Variants in EPRS1 observed in about 807,000 individuals in gnomAD.
The protein encoded by EPRS1 is bifunctional glutamate/proline--tRNA ligase.
A neutral mutation model predicts 188.3 loss-of-function variants in EPRS1; 107 were observed. The ratio of observed to expected loss-of-function variants is 0.57; its 90% CI spans 0.49 to 0.67. The LOEUF (loss-of-function observed/expected upper bound fraction) is 0.67, where lower values mean the gene tolerates loss of function less well. EPRS1 is among the 30% of genes least tolerant of loss of function. The pLI is 0.00. For missense variants in EPRS1, 1,577 were observed against 1,802.2 expected (o/e 0.88, Z 2.26); for synonymous variants, 596 against 593.1 (o/e 1.00, Z -0.07).
At chr1:220,040,317 T>C (rs975436447) in intron 1 of EPRS1, 48 bp from the exon 2 acceptor site, 1 of 1,239,166 alleles carries the variant, frequency 8.1e-7, no homozygotes, top group Non-Finnish European at 1.2e-6. Context: ...CAATGCAGTA[T>C]TTATAACTTG....
Position 219,978,606 on chromosome 1 carries a change from A to G in EPRS1, c.4023T>C (p.Val1341=), listed in dbSNP as rs1428324474. 1 of 1,609,492 alleles carries G rather than the reference A, an allele frequency of 6.2e-7. No individual in the cohort carries two copies. The change falls in exon 28 of 32, where the codon GTT becomes GTC. Residue 1341 remains valine (V), a synonymous_variant. Coordinates refer to ENST00000366923, the MANE Select transcript of EPRS1 (RefSeq NM_004446.3). ...AATAATTATCTCGTAAATCAGCTCTAACGCGGATGTTAACACTGAGTAATC... is the reference window on the plus strand; with the variant it reads ...AATAATTATCTCGTAAATCAGCTCTGACGCGGATGTTAACACTGAGTAATC... ...RRRLLSVNIR[V]RADLRDNYSP...
chr1:219,981,821 T>G (rs185735164), intron 23 of EPRS1, among the ~76,000 whole-genome samples: 17 of 152,342 alleles, frequency 1.1e-4, no homozygotes, highest in Non-Finnish European at 2.1e-4. Context: ...ACCTGTTCAA[T>G]TCTCACATTC....
Position 219,972,773 on chromosome 1 carries a change from A to G in EPRS1, c.4244+465T>C, listed in dbSNP as rs184590451. Among the ~76,000 whole-genome samples, 308 of 152,070 alleles carry G rather than the reference A, an allele frequency of 2.0e-3. 1 individual carries two copies. The highest frequency in any genetic ancestry group is 7.1e-3 in the African/African-American group (296 of 41,474). The stretch of plus-strand genomic sequence containing the variant: ...GGCCTTCCTCTATCCCTCATTCCCA[A>G]CCCCAGTCAGGAGGTTCTCAGCCTT... On this transcript the variant is annotated intron_variant, in intron 29 of 31. Coordinates refer to ENST00000366923, the MANE Select transcript of EPRS1 (RefSeq NM_004446.3).
chr1:219,978,979 C>T (rs1660838688), intron 27 of EPRS1, among the ~76,000 whole-genome samples: 1 of 151,314 alleles, frequency 6.6e-6, no homozygotes, highest in Non-Finnish European at 1.5e-5. Flanking sequence ...TTTTTCCCCC[C>T]CAGCCTCCCA....
chr1:220,001,033 TCAGTCTCCA>T (rs1173605940), intron 17 of EPRS1, 96 bp downstream of exon 17: 4 of 732,994 alleles, frequency 5.5e-6, no homozygotes, highest in Non-Finnish European at 9.8e-6. Flanking sequence ...ACTGTCTTCT[TCAGTCTCCA>T]CAGTAAGAAA....
Position 220,046,452 on chromosome 1 carries a change from C to A in EPRS1, c.-64G>T, listed in dbSNP as rs1341035529. The A allele has an allele frequency of 1.1e-5, 18 of 1,602,882 alleles. No homozygotes were observed. The highest frequency in any genetic ancestry group is 1.3e-5 in the Non-Finnish European group (15 of 1,175,560). ...CTCGTGCCAGAACTACGGAGGACCCCGCGAAAGGAAGAAGATGCAACGTGT... is the reference window on the plus strand; with the variant it reads ...CTCGTGCCAGAACTACGGAGGACCCAGCGAAAGGAAGAAGATGCAACGTGT... On this transcript the variant is annotated 5_prime_UTR_variant, in exon 1 of 32. Transcript: ENST00000366923.
In EPRS1 at chr1:220,011,033, T is replaced by C. The variant is rs1228860770; in HGVS notation, c.1518A>G (p.Arg506=). Reference sequence around the variant, plus strand: ...CTTCTTTCTTCAGTAATGCAACATATCGTGGAGCCACTGGGTCAATAACCT... The same window carrying C: ...CTTCTTTCTTCAGTAATGCAACATACCGTGGAGCCACTGGGTCAATAACCT... ...NKKVIDPVAP[R]YVALLKKEVI... The change falls in exon 13 of 32, where the codon CGA becomes CGG. Residue 506 remains arginine (R), a synonymous_variant. Coordinates refer to ENST00000366923, the MANE Select transcript of EPRS1 (RefSeq NM_004446.3). 6.2e-7 allele frequency: 1 copy of C among 1,611,938 alleles called. No homozygotes were observed. Among genetic ancestry groups the C allele is most frequent in the South Asian group, 1.1e-5 (1 of 91,024 alleles).
chr1:219,980,707 T>C lies in EPRS1; in HGVS notation c.3555+49A>G, dbSNP rs750136615. 10 of 1,353,442 alleles carry C rather than the reference T, an allele frequency of 7.4e-6. No individual in the cohort carries two copies. In the Admixed American group the frequency reaches 1.9e-4, roughly 25 times the overall value. 83.8% of individuals were successfully genotyped at this position (1,353,442 alleles called of 1,614,324 possible). ...TTTTAAATAACAAAATTGCAGAACC[T>C]GAACAAAAATAATGGAACATAGTTA... is the stretch of plus-strand genomic sequence containing the variant. On this transcript the variant is annotated intron_variant, in intron 25 of 31. Transcript: ENST00000366923.
At chr1:220,044,784 C>T (rs1662369943) in intron 1 of EPRS1, among the ~76,000 whole-genome samples, 1 of 150,970 alleles carries the variant, frequency 6.6e-6, no homozygotes, top group South Asian at 2.1e-4. Context: ...ACATTATTCT[C>T]CCTTTCTTAA....
chr1:220,025,048 AT>A, intron 7 of EPRS1, 83 bp downstream of exon 7: 1 of 1,346,462 alleles, frequency 7.4e-7, no homozygotes. Flanking sequence ...AACAAAATTT[AT>A]TTTCATACCA....
chr1:220,041,288 C>T (rs1326162126), intron 1 of EPRS1, among the ~76,000 whole-genome samples: 1 of 151,344 alleles, frequency 6.6e-6, no homozygotes, highest in Non-Finnish European at 1.5e-5. Context: ...GCCCTGATTG[C>T]ACCACTGCGT....
intron 28 of EPRS1, among the ~76,000 whole-genome samples, chr1:219,975,416 T>C (rs1393135445): frequency 6.6e-6 from 1 of 152,200 alleles, no homozygotes. Flanking sequence ...AAAACTAGAA[T>C]GCATCCTGCG....
chr1:219,994,600 C>T (rs924011288), intron 18 of EPRS1, among the ~76,000 whole-genome samples: 4 of 148,462 alleles, frequency 2.7e-5, no homozygotes, highest in Admixed American at 1.3e-4. Flanking sequence ...TTGTGTAATG[C>T]GATGTTTTTG....
intron 2 of EPRS1, among the ~76,000 whole-genome samples, chr1:220,038,768 G>A (rs1432492405): frequency 5.9e-5 from 9 of 152,332 alleles, no homozygotes; most frequent in South Asian, 2.1e-4. Context: ...GGACCAGGAA[G>A]TGGGCGCAGG....
chr1:220,024,245 A>G lies in EPRS1; in HGVS notation c.943+19T>C. 1 of 1,493,620 alleles carries G rather than the reference A, an allele frequency of 6.7e-7. No individual in the cohort carries two copies. The highest frequency in any genetic ancestry group is 9.0e-7 in the Non-Finnish European group (1 of 1,106,368). 92.5% of individuals were successfully genotyped at this position (1,493,620 alleles called of 1,614,324 possible). A position where few individuals can be genotyped will look rare whatever the true frequency, so the allele number is the denominator to read the frequency against. ...ACAATATAAGAATATCAATTAAAAT[A>G]TAAAACAATGTGGCTTACGGTTTTT... On this transcript the variant is annotated intron_variant, in intron 8 of 31. Transcript: ENST00000366923.
intron 2 of EPRS1, 54 bp downstream of exon 2, chr1:220,040,131 T>TA (rs1384609051): frequency 9.5e-5 from 116 of 1,222,340 alleles, no homozygotes; most frequent in Non-Finnish European, 1.1e-4. Context: ...AAAAAAACTC[T>TA]AAAAAAAAGA....
intron 28 of EPRS1, among the ~76,000 whole-genome samples, chr1:219,977,240 T>G (rs1660798290): frequency 1.3e-5 from 2 of 152,184 alleles, no homozygotes; most frequent in Non-Finnish European, 2.9e-5. Flanking sequence ...TTCTCAATGT[T>G]CTTTAACTTG....
intron 1 of EPRS1, among the ~76,000 whole-genome samples, chr1:220,042,291 T>C (rs1662311686): frequency 6.6e-6 from 1 of 150,392 alleles, no homozygotes; most frequent in African/African-American, 2.5e-5. Context: ...GAGACCAGCC[T>C]GGACAACATG....
In EPRS1 at chr1:219,988,698, T is replaced by C; in HGVS notation, c.2667A>G (p.Arg889=). The C allele has an allele frequency of 6.2e-7, 1 of 1,613,948 alleles. No homozygotes were observed. The change falls in exon 19 of 32, where the codon AGA becomes AGG. Residue 889 remains arginine (R), a synonymous_variant. Coordinates refer to ENST00000366923, the MANE Select transcript of EPRS1 (RefSeq NM_004446.3). ...TTTCTAAACCAGCAGGTTCAGAATT[T>C]CTGGTTGGGCTTGAATCCGAACTTT... ...LSQSSDSSPT[R]NSEPAGLETP...
Sources: gnomAD v4.1 joint callset for allele counts (sites outside exome capture counted in the v4.1 genomes callset) on GRCh38, gnomAD v4.1.1 for gene constraint, MANE v1.5 for transcripts, NCBI Gene and HGNC (gene_info 2026-07-23, HGNC 2026-07-21) for gene names.